Variants in RNF24 observed in about 807,000 individuals in gnomAD.
RNF24 encodes ring finger protein 24.
A neutral mutation model predicts 20.0 loss-of-function variants in RNF24; 14 were observed. The observed-to-expected ratio is 0.70, with a 90% CI of 0.46 to 1.10. RNF24 has a LOEUF of 1.10. Ranked by LOEUF, RNF24 falls within the 50% of genes least tolerant of loss-of-function variation. The pLI, the probability that RNF24 is intolerant of heterozygous loss-of-function variation, is 0.00. For missense variants in RNF24, 124 were observed against 177.6 expected (o/e 0.70, Z 1.71); for synonymous variants, 45 against 61.1 (o/e 0.74, Z 1.23).
At chr20:4,005,074 T>C (rs766763573) in intron 1 of RNF24, among the ~76,000 whole-genome samples, 5 of 152,210 alleles carry the variant, frequency 3.3e-5, no homozygotes, top group East Asian at 1.9e-4. Context: ...TTGTGAAAAG[T>C]TGATAACATC....
At chr20:3,948,913 AT>A (rs1189627770) in intron 2 of RNF24, among the ~76,000 whole-genome samples, 1 of 152,254 alleles carries the variant, frequency 6.6e-6, no homozygotes, top group Admixed American at 6.5e-5. Flanking sequence ...ACAGTATTCC[AT>A]TGTATGAATA....
At chr20:3,944,650 A>G (rs2090996086) in intron 4 of RNF24, among the ~76,000 whole-genome samples, 1 of 152,246 alleles carries the variant, frequency 6.6e-6, no homozygotes, top group East Asian at 1.9e-4. Context: ...AGCAGGATAT[A>G]CACACCCAAG....
At chr20:3,973,604 A>G (rs1978588991) in intron 1 of RNF24, among the ~76,000 whole-genome samples, 1 of 152,024 alleles carries the variant, frequency 6.6e-6, no homozygotes, top group African/African-American at 2.4e-5. Context: ...AAGGATAAGA[A>G]GGGTATACAC....
intron 1 of RNF24, among the ~76,000 whole-genome samples, chr20:3,993,829 TA>T (rs1980652233): frequency 6.6e-6 from 1 of 152,250 alleles, no homozygotes; most frequent in African/African-American, 2.4e-5. Context: ...TATATATTTT[TA>T]AACTTTTTAT....
chr20:3,989,496 A>AT (rs1025980480), intron 1 of RNF24, among the ~76,000 whole-genome samples: 23 of 151,390 alleles, frequency 1.5e-4, no homozygotes, highest in Admixed American at 1.1e-3. Context: ...ATCTCAAAAA[A>AT]AAAAAATAAA....
At chr20:3,937,230 A>G (rs566812514) in intron 4 of RNF24, among the ~76,000 whole-genome samples, 1 of 152,258 alleles carries the variant, frequency 6.6e-6, no homozygotes, top group South Asian at 2.1e-4. Context: ...AACAAGACAA[A>G]CTCTGACACG....
At chr20:3,977,352 C>T (rs962624025) in intron 1 of RNF24, among the ~76,000 whole-genome samples, 2 of 151,954 alleles carry the variant, frequency 1.3e-5, no homozygotes, top group Middle Eastern at 3.2e-3. Context: ...AGTCTAAATA[C>T]GTGTTTTAAA....
chr20:3,982,303 C>T (rs1416456224), intron 1 of RNF24, among the ~76,000 whole-genome samples: 1 of 151,896 alleles, frequency 6.6e-6, no homozygotes, highest in Non-Finnish European at 1.5e-5. Flanking sequence ...GAGGGTTGGG[C>T]GCAGTGGCTC....
chr20:3,970,450 T>C (rs903683041), intron 1 of RNF24, among the ~76,000 whole-genome samples: 5 of 152,168 alleles, frequency 3.3e-5, no homozygotes, highest in Non-Finnish European at 5.9e-5. Flanking sequence ...TTACTCATCG[T>C]ACCAAGACTA....
chr20:3,949,109 G>A (rs958034788), intron 2 of RNF24, among the ~76,000 whole-genome samples: 7 of 152,264 alleles, frequency 4.6e-5, no homozygotes, highest in Admixed American at 3.9e-4. Flanking sequence ...GCTGGGCACC[G>A]TGGCTCACGC....
At chr20:3,938,291 T>C (rs2090915806) in intron 4 of RNF24, among the ~76,000 whole-genome samples, 1 of 152,230 alleles carries the variant, frequency 6.6e-6, no homozygotes. Flanking sequence ...GTAAGAGTTC[T>C]TTATATATTT....
Position 3,949,148 on chromosome 20 carries a change from G to A in RNF24, c.144-869C>T, listed in dbSNP as rs141882533. Among the ~76,000 whole-genome samples the A allele has an allele frequency of 8.6e-3, 1,317 of 152,344 alleles. 26 individuals carry two copies. Among genetic ancestry groups the A allele is most frequent in the African/African-American group, 0.03 (1,255 of 41,576 alleles). On this transcript the variant is annotated intron_variant, in intron 2 of 5. Transcript: ENST00000358395. ...TAATCCTAGCACTTTGGGAGGCCGC[G>A]GCAGGCGGATGGCCTGAGGTCAAGA...
chr20:3,990,420 T>C (rs1568656423), intron 1 of RNF24, among the ~76,000 whole-genome samples: 1 of 152,246 alleles, frequency 6.6e-6, no homozygotes, highest in South Asian at 2.1e-4. Flanking sequence ...CTTTCAGATG[T>C]ACTTGCATGC....
intron 1 of RNF24, among the ~76,000 whole-genome samples, chr20:3,980,518 T>C (rs972834497): frequency 6.6e-6 from 1 of 152,160 alleles, no homozygotes; most frequent in Non-Finnish European, 1.5e-5. Flanking sequence ...AACTTACAAA[T>C]TGTTTTGGGA....
Position 3,930,451 on chromosome 20 carries a change from A to C in RNF24, c.*3612T>G, listed in dbSNP as rs1600605008. 1 of 152,188 alleles carries C rather than the reference A, an allele frequency of 6.6e-6. No homozygotes were observed. The highest frequency in any genetic ancestry group is 1.5e-5 in the Non-Finnish European group (1 of 68,070). The allele number at this position is 152,188 out of a possible 1,614,324, so 9.4% of individuals were successfully genotyped here. On this transcript the variant is annotated 3_prime_UTR_variant, in exon 6 of 6. Transcript: ENST00000358395. ...CCCCATGACACCAGGCCTGCTGCCT[A>C]CCAGGCTCTGGGCACCAGCTAACCC...
intron 4 of RNF24, among the ~76,000 whole-genome samples, chr20:3,936,020 TG>T: frequency 6.6e-6 from 1 of 152,358 alleles, no homozygotes; most frequent in Non-Finnish European, 1.5e-5. Context: ...GGACTGTTGA[TG>T]GCTTTGCTGT....
In RNF24 at chr20:3,967,701, A is replaced by T. The variant is rs552704845; in HGVS notation, c.-7-3677T>A. 2.6e-5 allele frequency among the ~76,000 whole-genome samples: 4 copies of T among 152,322 alleles called. No homozygotes were observed. In the East Asian group the frequency reaches 7.7e-4, roughly 29 times the overall value. ...AGTCAATATTCTAGTTTTGCTTCAA[A>T]AATGCTCAGAAGTGCCGGGTGCAGT... is the stretch of plus-strand genomic sequence containing the variant. On this transcript the variant is annotated intron_variant, in intron 1 of 5. Transcript: ENST00000358395.
intron 3 of RNF24, 88 bp from the exon 4 acceptor site, chr20:3,945,306 T>C (rs1268938445): frequency 4.0e-6 from 5 of 1,259,280 alleles, no homozygotes; most frequent in East Asian, 5.3e-5. Flanking sequence ...TTTTCTTTTG[T>C]ATATATGGCT....
At chr20:3,963,534 A>C (rs969948318) in intron 2 of RNF24, among the ~76,000 whole-genome samples, 1 of 152,240 alleles carries the variant, frequency 6.6e-6, no homozygotes, top group African/African-American at 2.4e-5. Flanking sequence ...GCTAACAAGG[A>C]AGCCACACCT....
Sources: allele counts gnomAD v4.1 joint callset (sites outside exome capture counted in the v4.1 genomes callset), GRCh38; gene constraint gnomAD v4.1.1; transcripts MANE v1.5; gene names NCBI Gene and HGNC (gene_info 2026-07-23, HGNC 2026-07-21).